Variants in SRGAP2 observed in about 807,000 individuals in gnomAD.
SRGAP2 encodes the protein SLIT-ROBO Rho GTPase-activating protein 2.
In SRGAP2, 15 loss-of-function variants were observed where a neutral mutation model predicts 57.2. The observed-to-expected ratio is 0.26, with a 90% CI of 0.18 to 0.40. The LOEUF (loss-of-function observed/expected upper bound fraction) is 0.40, where lower values mean the gene tolerates loss of function less well. Ranked by LOEUF, SRGAP2 falls within the 10% of genes least tolerant of loss-of-function variation. The pLI is 1.00. For missense variants in SRGAP2, 520 were observed against 669.6 expected (o/e 0.78, Z 2.47); for synonymous variants, 249 against 248.0 (o/e 1.00, Z -0.04).
chr1:206,287,916 G>A (rs1571766390), intron 2 of SRGAP2, among the ~76,000 whole-genome samples: 1 of 110,676 alleles, frequency 9.0e-6, no homozygotes, highest in Non-Finnish European at 1.7e-5. Context: ...GAGTAAGCAA[G>A]AAGGGGTGGG....
chr1:206,245,072 T>G (rs1431271782), intron 2 of SRGAP2, among the ~76,000 whole-genome samples: 2 of 136,162 alleles, frequency 1.5e-5, no homozygotes, highest in Non-Finnish European at 3.2e-5. Context: ...GGCAGTTAGC[T>G]ATCTTCACCT....
At chr1:206,360,650 A>T (rs1252202065) in intron 4 of SRGAP2, among the ~76,000 whole-genome samples, 31 of 152,214 alleles carry the variant, frequency 2.0e-4, no homozygotes, top group Non-Finnish European at 3.4e-4. Context: ...GATATGGTGT[A>T]TGAAAAAAAT....
At chr1:206,226,379 TC>T (rs1328353400) in intron 2 of SRGAP2, among the ~76,000 whole-genome samples, 1 of 152,190 alleles carries the variant, frequency 6.6e-6, no homozygotes, top group African/African-American at 2.4e-5. Context: ...TTAAATTCTT[TC>T]TGTGTAACAG....
chr1:206,278,010 G>A (rs1670516966), intron 2 of SRGAP2, among the ~76,000 whole-genome samples: 1 of 151,494 alleles, frequency 6.6e-6, no homozygotes, highest in Non-Finnish European at 1.5e-5. Context: ...TAGAGTAGAA[G>A]ACGCTTTTTT....
In SRGAP2 at chr1:206,443,364, GTTTGTTTGTT is replaced by G. The variant is rs1347593784; in HGVS notation, c.1875-2699_1875-2690del. Among the ~76,000 whole-genome samples, 212 of 151,792 alleles carry G rather than the reference GTTTGTTTGTT, an allele frequency of 1.4e-3. 1 individual carries two copies. The highest frequency in any genetic ancestry group is 5.0e-3 in the African/African-American group (205 of 41,246). ...ATTTCTTTGTTTTTATTTTGTTGTT[GTTTGTTTGTT>G]TTTGTTTGTTTGTTTTTGAGATGGA... On this transcript the variant is annotated intron_variant, in intron 17 of 22. Coordinates refer to ENST00000573034, the MANE Select transcript of SRGAP2 (RefSeq NM_015326.5).
chr1:206,268,147 A>T (rs1553315175), intron 2 of SRGAP2, among the ~76,000 whole-genome samples: 1 of 151,356 alleles, frequency 6.6e-6, no homozygotes. Context: ...CAGTTTTGTT[A>T]CATATGTATA....
At chr1:206,324,862 G>A (rs1302223160) in intron 3 of SRGAP2, among the ~76,000 whole-genome samples, 2 of 152,038 alleles carry the variant, frequency 1.3e-5, no homozygotes, top group Admixed American at 1.3e-4. Flanking sequence ...AGCATGGGGA[G>A]AAAGCTGTTG....
chr1:206,450,298 C>A, intron 18 of SRGAP2, 88 bp from the exon 19 acceptor site: 1 of 716,112 alleles, frequency 1.4e-6, no homozygotes, highest in South Asian at 1.5e-5. Flanking sequence ...GGATTCAGTG[C>A]CCTCGCGCCA....
At chr1:206,267,993 A>G (rs1669965298) in intron 2 of SRGAP2, among the ~76,000 whole-genome samples, 9 of 148,858 alleles carry the variant, frequency 6.0e-5, no homozygotes, top group Admixed American at 5.3e-4. Flanking sequence ...ATATCCTTTA[A>G]AATGAAGGTG....
At chr1:206,340,916 G>T (rs1675138824) in intron 3 of SRGAP2, among the ~76,000 whole-genome samples, 1 of 151,072 alleles carries the variant, frequency 6.6e-6, no homozygotes. Flanking sequence ...CCCTAAAAAG[G>T]TAAGTGTTGT....
chr1:206,212,195 T>C (rs1430007782), intron 2 of SRGAP2, among the ~76,000 whole-genome samples: 1 of 151,860 alleles, frequency 6.6e-6, no homozygotes, highest in South Asian at 2.1e-4. Context: ...TTCTTTTTTT[T>C]TTCAGATGGG....
At chr1:206,352,818 G>T (rs1303913772) in intron 4 of SRGAP2, among the ~76,000 whole-genome samples, 1 of 151,502 alleles carries the variant, frequency 6.6e-6, no homozygotes, top group Non-Finnish European at 1.5e-5. Flanking sequence ...CTTTTTGTTT[G>T]TTTGTTTGTT....
intron 3 of SRGAP2, among the ~76,000 whole-genome samples, chr1:206,304,575 A>G (rs1196029821): frequency 6.6e-6 from 1 of 152,200 alleles, no homozygotes; most frequent in Admixed American, 6.5e-5. Context: ...ATTCAAAGCC[A>G]TCCTGGCCCC....
chr1:206,244,802 A>C (rs1668444090), intron 2 of SRGAP2, among the ~76,000 whole-genome samples: 1 of 151,926 alleles, frequency 6.6e-6, no homozygotes, highest in Admixed American at 6.5e-5. Context: ...CCCTCTTAGA[A>C]GAAAAGACAT....
At chr1:206,409,737 G>T (rs1328607518) in intron 10 of SRGAP2, among the ~76,000 whole-genome samples, 1 of 150,978 alleles carries the variant, frequency 6.6e-6, no homozygotes, top group Non-Finnish European at 1.5e-5. Context: ...AGCCAAGATC[G>T]TGTCACTGCA....
chr1:206,461,637 C>G lies in SRGAP2; in HGVS notation c.*217C>G. On this transcript the variant is annotated 3_prime_UTR_variant, in exon 23 of 23. Transcript: ENST00000573034. ...TCTGCTTCCCCCAGTCGTCGTAATT[C>G]AGCCAGCTGCAGTCCGTACCGTTCT... 1.8e-6 allele frequency: 1 copy of G among 553,418 alleles called. No homozygotes were observed. The highest frequency in any genetic ancestry group is 2.4e-5 in the South Asian group (1 of 41,038). The allele number at this position is 553,418 out of a possible 1,614,324, so 34.3% of individuals were successfully genotyped here.
chr1:206,458,319 G>T (rs555546863), intron 21 of SRGAP2: 1 of 562,976 alleles, frequency 1.8e-6, no homozygotes, highest in Non-Finnish European at 3.5e-6. Context: ...GCCTTTCCAT[G>T]AATCTCTTTC....
intron 19 of SRGAP2, among the ~76,000 whole-genome samples, chr1:206,452,905 AAAAAT>A (rs1663456137): frequency 6.6e-6 from 1 of 151,324 alleles, no homozygotes; most frequent in African/African-American, 2.4e-5. Context: ...AAAAAAAAAA[AAAAAT>A]GGGATGCTTG....
At chr1:206,430,789 T>TA (rs1553368101) in intron 14 of SRGAP2, among the ~76,000 whole-genome samples, 1 of 152,224 alleles carries the variant, frequency 6.6e-6, no homozygotes, top group East Asian at 1.9e-4. Context: ...GGTGAAATCA[T>TA]ACTCTCTTCT....
Sources: gnomAD v4.1 joint callset for allele counts (sites outside exome capture counted in the v4.1 genomes callset) on GRCh38, gnomAD v4.1.1 for gene constraint, MANE v1.5 for transcripts, NCBI Gene and HGNC (gene_info 2026-07-23, HGNC 2026-07-21) for gene names.